Variants in CHAT observed in about 807,000 individuals in gnomAD.
The protein encoded by CHAT is choline O-acetyltransferase, also known as acetyl CoA:choline O-acetyltransferase.
A neutral mutation model predicts 76.9 loss-of-function variants in CHAT; 61 were observed. The observed-to-expected ratio is 0.79, with a 90% CI of 0.65 to 0.98. CHAT has a LOEUF of 0.98. Ranked by LOEUF, CHAT falls within the 50% of genes least tolerant of loss-of-function variation. CHAT has a pLI of 0.00. For synonymous variants in CHAT, 407 were observed against 397.4 expected (o/e 1.02, Z -0.29); for missense variants, 946 against 986.9 (o/e 0.96, Z 0.56).
chr10:49,623,155 C>A (rs564773596), intron 5 of CHAT, among the ~76,000 whole-genome samples: 1 of 152,202 alleles, frequency 6.6e-6, no homozygotes, highest in South Asian at 2.1e-4. Context: ...CTCCCTTCTT[C>A]GTGGACAGCA....
chr10:49,665,089 CAGCCA>C lies in CHAT; in HGVS notation c.*44_*48del, dbSNP rs780315825. ...CACCTCCCAAACCCAGCCTCTAGAA[CAGCCA>C]GACCCTGCAGATCCCCACTCCCGTC... On this transcript the variant is annotated 3_prime_UTR_variant, in exon 15 of 15. Transcript: ENST00000337653. 1.5e-5 allele frequency: 24 copies of C among 1,609,206 alleles called. No homozygotes were observed. Among genetic ancestry groups the C allele is most frequent in the Non-Finnish European group, 1.9e-5 (22 of 1,177,760 alleles).
chr10:49,665,432 T>A lies in CHAT; in HGVS notation c.*386T>A, dbSNP rs1018181616. Reference sequence around the variant, plus strand: ...TCTGCCCAAGGAAAGGATGAGTCACTCTATTACATGCAACGTACCTAATGA... The same window carrying A: ...TCTGCCCAAGGAAAGGATGAGTCACACTATTACATGCAACGTACCTAATGA... On this transcript the variant is annotated 3_prime_UTR_variant, in exon 15 of 15. Transcript: ENST00000337653. Among the ~76,000 whole-genome samples, 1 of 152,142 alleles carries A rather than the reference T, an allele frequency of 6.6e-6. No individual in the cohort carries two copies. The highest frequency in any genetic ancestry group is 6.5e-5 in the Admixed American group (1 of 15,288).
In CHAT at chr10:49,647,016, G is replaced by C. The variant is rs10400182; in HGVS notation, c.1281+342G>C. On this transcript the variant is annotated intron_variant, in intron 8 of 14. Coordinates refer to ENST00000337653, the MANE Select transcript of CHAT (RefSeq NM_020549.5). The stretch of plus-strand genomic sequence containing the variant: ...CACCCATCACACCTGTGAGGTGGGG[G>C]TGTGCCAGGAGTAGGAGAGTATAAC... 8.7e-3 allele frequency: 3,511 copies of C among 405,356 alleles called. 110 individuals carry two copies. The highest frequency in any genetic ancestry group is 0.064 in the African/African-American group (3,146 of 49,410). The allele number at this position is 405,356 out of a possible 1,614,324, so 25.1% of individuals were successfully genotyped here.
At chr10:49,626,935 C>T (rs181242737) in intron 6 of CHAT, among the ~76,000 whole-genome samples, 154 of 152,356 alleles carry the variant, frequency 1.0e-3, no homozygotes, top group African/African-American at 3.3e-3. Flanking sequence ...GGTGCACATG[C>T]ACGCATGGTG....
At chr10:49,610,476 C>T (rs910871421), upstream of CHAT, 91 of 398,108 alleles carry the variant, frequency 2.3e-4, 1 homozygote, top group Middle Eastern at 3.1e-3. Flanking sequence ...GCCCCGGCCC[C>T]TCGGCGCGCC....
chr10:49,621,547 A>AC (rs1356158143), intron 4 of CHAT, among the ~76,000 whole-genome samples: 2 of 152,018 alleles, frequency 1.3e-5, no homozygotes, highest in African/African-American at 4.8e-5. Context: ...TTTCATTAGT[A>AC]CCGGGGGGTG....
chr10:49,648,642 CA>C (rs774260787), intron 9 of CHAT, 35 bp downstream of exon 9: 15 of 1,476,724 alleles, frequency 1.0e-5, no homozygotes, highest in South Asian at 8.1e-5. Context: ...ATGCTGGGCC[CA>C]AAAAAATGTG....
intron 7 of CHAT, among the ~76,000 whole-genome samples, chr10:49,642,731 G>A (rs757953541): frequency 1.8e-4 from 27 of 152,260 alleles, no homozygotes; most frequent in Admixed American, 9.8e-4. Context: ...TGTTTTTAAG[G>A]ATCGCTTAGT....
At chr10:49,647,135 C>T (rs951002142) in intron 8 of CHAT, 4 of 198,120 alleles carry the variant, frequency 2.0e-5, no homozygotes, top group South Asian at 1.0e-4. Flanking sequence ...CGTGGCCTGG[C>T]GATTTCAACA....
At chr10:49,621,976 A>T in intron 4 of CHAT, 121 bp from the exon 5 acceptor site, 1 of 1,043,566 alleles carries the variant, frequency 9.6e-7, no homozygotes, top group Non-Finnish European at 1.5e-6. Flanking sequence ...GGGAGGGAGA[A>T]GGGAGGGAAG....
rs1840324278 is a variant in CHAT, at chr10:49,665,563, G to T, written c.*517G>T. Among the ~76,000 whole-genome samples, 1 of 152,036 alleles carries T rather than the reference G, an allele frequency of 6.6e-6. No individual in the cohort carries two copies. Among genetic ancestry groups the T allele is most frequent in the Non-Finnish European group, 1.5e-5 (1 of 67,994 alleles). The stretch of plus-strand genomic sequence containing the variant: ...GCATTCTTATCGTGGCATTCCCAGT[G>T]TCTCCACTGAGCCGTACAGTCCTAC... On this transcript the variant is annotated 3_prime_UTR_variant, in exon 15 of 15. Coordinates refer to ENST00000337653, the MANE Select transcript of CHAT (RefSeq NM_020549.5).
At position 49,664,760 on chromosome 10, in the gene CHAT, C is replaced by A; in HGVS notation, c.1978-17C>A. ...GCATTCCAGAACAAGCAGCTCCTGA[C>A]CTGTCCTCTCCTCCAGGTGCCCACA... On this transcript the variant is annotated splice_polypyrimidine_tract_variant and intron_variant, in intron 14 of 14. Coordinates refer to ENST00000337653, the MANE Select transcript of CHAT (RefSeq NM_020549.5). 1.2e-6 allele frequency: 2 copies of A among 1,614,214 alleles called. No individual in the cohort carries two copies. The highest frequency in any genetic ancestry group is 1.1e-5 in the South Asian group (1 of 91,076).
At chr10:49,633,213 C>G (rs1316859697) in intron 7 of CHAT, among the ~76,000 whole-genome samples, 2 of 152,260 alleles carry the variant, frequency 1.3e-5, no homozygotes, top group East Asian at 3.9e-4. Flanking sequence ...AAAACAGATT[C>G]CCGGGCCCCA....
rs371326998 is a variant in CHAT at position 49,620,454 on chromosome 10, G to A, written c.580-41G>A. On this transcript the variant is annotated intron_variant, in intron 3 of 14. Coordinates refer to ENST00000337653, the MANE Select transcript of CHAT (RefSeq NM_020549.5). ...CTCTCGGGGCTGTCAGGATGGGACT[G>A]TTTGGGGGGATGTGACGGCCTTCCC... 45 of 1,365,396 alleles carry A rather than the reference G, an allele frequency of 3.3e-5. No individual in the cohort carries two copies. The African/African-American group carries it at 5.1e-4, about 16-fold the overall frequency. The allele number at this position is 1,365,396 out of a possible 1,614,324, so 84.6% of individuals were successfully genotyped here.
Position 49,666,403 on chromosome 10 carries a change from G to A in CHAT, c.*1357G>A, listed in dbSNP as rs1840340817. On this transcript the variant is annotated 3_prime_UTR_variant, in exon 15 of 15. Coordinates refer to ENST00000337653, the MANE Select transcript of CHAT (RefSeq NM_020549.5). ...TTCCTATTAGAGCACATTTTTATGG[G>A]AAGTCTAAAGGGCAGAGGGAGGGAG... Among the ~76,000 whole-genome samples the A allele has an allele frequency of 6.6e-6, 1 of 152,248 alleles. No individual in the cohort carries two copies. Among genetic ancestry groups the A allele is most frequent in the African/African-American group, 2.4e-5 (1 of 41,470 alleles).
intron 13 of CHAT, among the ~76,000 whole-genome samples, chr10:49,660,386 G>A (rs963659753): frequency 2.0e-5 from 3 of 151,634 alleles, no homozygotes; most frequent in African/African-American, 7.3e-5. Context: ...AGGTTGCAGT[G>A]AGCTGAGATC....
chr10:49,639,360 T>C (rs1839400763), intron 7 of CHAT, among the ~76,000 whole-genome samples: 1 of 152,182 alleles, frequency 6.6e-6, no homozygotes, highest in African/African-American at 2.4e-5. Context: ...TTTCCCCTTC[T>C]TCATTTCTGA....
At chr10:49,640,265 G>A (rs959633025) in intron 7 of CHAT, among the ~76,000 whole-genome samples, 6 of 152,094 alleles carry the variant, frequency 3.9e-5, no homozygotes, top group Non-Finnish European at 7.3e-5. Flanking sequence ...TCCGCCTCCC[G>A]TGTTCAAACT....
intron 5 of CHAT, among the ~76,000 whole-genome samples, chr10:49,625,169 G>A (rs1838871042): frequency 6.6e-6 from 1 of 152,134 alleles, no homozygotes; most frequent in African/African-American, 2.4e-5. Flanking sequence ...CTGGGGTTGG[G>A]GCAAAGGCAC....
Sources: gnomAD v4.1 joint callset for allele counts (sites outside exome capture counted in the v4.1 genomes callset) on GRCh38, gnomAD v4.1.1 for gene constraint, MANE v1.5 for transcripts, NCBI Gene and HGNC (gene_info 2026-07-23, HGNC 2026-07-21) for gene names.